The following LRRC39 variants were observed in gnomAD, a reference collection of about 807,000 sequenced individuals.
The protein encoded by LRRC39 is leucine-rich repeat-containing protein 39.
A neutral mutation model predicts 39.7 loss-of-function variants in LRRC39; 35 were observed. The ratio of observed to expected loss-of-function variants is 0.88; its 90% CI spans 0.67 to 1.17. The LOEUF (loss-of-function observed/expected upper bound fraction) is 1.17. Among genes scored for constraint, LRRC39 ranks in the 50% most tolerant of loss-of-function variants. LRRC39 has a pLI of 0.00. For missense variants in LRRC39, 357 were observed against 385.8 expected (o/e 0.93, Z 0.62); for synonymous variants, 113 against 134.1 (o/e 0.84, Z 1.09).
chr1:100,172,524 T>C (rs184088176), intron 2 of LRRC39, among the ~76,000 whole-genome samples: 10 of 147,412 alleles, frequency 6.8e-5, no homozygotes, highest in African/African-American at 2.5e-4. Context: ...CCGTCTCTAC[T>C]AAAAAAATAC....
In LRRC39 at chr1:100,155,171, C is replaced by T. The variant is rs142389687; in HGVS notation, c.692G>A (p.Arg231Gln). The T allele has an allele frequency of 9.0e-5, 144 of 1,608,760 alleles. No individual in the cohort carries two copies. In the African/African-American group the frequency reaches 1.7e-3, roughly 19 times the overall value. The change falls in exon 8 of 10, where the codon CGA (arginine) becomes CAA (glutamine). Residue 231 changes from arginine (R) to glutamine (Q), a missense_variant. Arg to Gln is a conservative substitution (Grantham distance 43). Transcript: ENST00000370137. ...MQNLHTLWLQ[R>Q]NEITCLPQTI... ...TTGAGGCAAGCATGTTATTTCATTT[C>T]GTTGCAGCCATAACGTATGTAGATT...
intron 1 of LRRC39, among the ~76,000 whole-genome samples, chr1:100,177,822 C>G (rs1031045204): frequency 5.3e-5 from 8 of 152,158 alleles, no homozygotes; most frequent in Admixed American, 1.3e-4. Context: ...ATTTCTTCCT[C>G]CAGCACAGGA....
At chr1:100,177,164 T>C (rs748150005) in intron 1 of LRRC39, among the ~76,000 whole-genome samples, 13 of 151,958 alleles carry the variant, frequency 8.6e-5, no homozygotes, top group Non-Finnish European at 1.6e-4. Flanking sequence ...AAAAATAGCA[T>C]GCAATTGTCT....
Position 100,159,256 on chromosome 1 carries a change from T to A in LRRC39, c.376+3A>T. The A allele has an allele frequency of 6.3e-7, 1 of 1,587,470 alleles. No homozygotes were observed. The highest frequency in any genetic ancestry group is 8.6e-7 in the Non-Finnish European group (1 of 1,168,776). ...GCACAGGAATAAAAGTAATCTTTCT[T>A]ACCAATCCCTGGTGGTATCTCTGAA... On this transcript the variant is annotated splice_donor_region_variant and intron_variant, in intron 5 of 9. Coordinates refer to ENST00000370137, the MANE Select transcript of LRRC39 (RefSeq NM_144620.4).
intron 3 of LRRC39, among the ~76,000 whole-genome samples, chr1:100,162,457 G>A (rs1658952470): frequency 6.6e-6 from 1 of 150,472 alleles, no homozygotes; most frequent in Admixed American, 6.7e-5. Context: ...TGGCCAACAT[G>A]GTGAAACCCC....
intron 3 of LRRC39, among the ~76,000 whole-genome samples, chr1:100,166,360 A>C (rs1328112112): frequency 6.6e-6 from 1 of 152,184 alleles, no homozygotes; most frequent in Non-Finnish European, 1.5e-5. Flanking sequence ...AGAAGAAAAG[A>C]AAATGTGGGA....
Position 100,149,387 on chromosome 1 carries a change from C to A in LRRC39, c.953-290G>T, listed in dbSNP as rs759406944. The A allele has an allele frequency of 3.6e-5, 55 of 1,546,228 alleles. 1 individual carries two copies. The South Asian group carries it at 5.8e-4, about 16-fold the overall frequency. On this transcript the variant is annotated intron_variant, in intron 9 of 9. Transcript: ENST00000370137. ...TCACCTTCAAATTTCCAGAGCCATA[C>A]ATGTATATATTGTCAGAATCTGTCC...
rs1359064508 is a variant in LRRC39 at position 100,156,125 on chromosome 1, G to A, written c.659+47C>T. On this transcript the variant is annotated intron_variant, in intron 7 of 9. Transcript: ENST00000370137. Reference sequence around the variant, plus strand: ...TGTCTTGCTTGGTTATTTTTCATAAGAGGTTTCAAGACTTTTATCATTAGC... The same window carrying A: ...TGTCTTGCTTGGTTATTTTTCATAAAAGGTTTCAAGACTTTTATCATTAGC... The A allele has an allele frequency of 2.6e-6, 4 of 1,558,288 alleles. No homozygotes were observed. In the Admixed American group the frequency reaches 7.3e-5, roughly 29 times the overall value.
chr1:100,156,024 A>G (rs1416830980), intron 7 of LRRC39, 148 bp downstream of exon 7: 2 of 733,964 alleles, frequency 2.7e-6, no homozygotes, highest in Non-Finnish European at 3.9e-6. Flanking sequence ...CTTGGAACAA[A>G]TGAAAATATT....
rs139922736 is a variant in LRRC39, at chr1:100,174,808, C to G, written c.-118-1438G>C. 8.4e-3 allele frequency among the ~76,000 whole-genome samples: 1,276 copies of G among 152,320 alleles called. 11 individuals are homozygous for G. The highest frequency in any genetic ancestry group is 0.013 in the Non-Finnish European group (906 of 68,026). ...GCATATCCATAAAGGAAAAGATATACTATATCACAATATAGTTTGAATATA... is the reference window on the plus strand; with the variant it reads ...GCATATCCATAAAGGAAAAGATATAGTATATCACAATATAGTTTGAATATA... On this transcript the variant is annotated intron_variant, in intron 1 of 9. Transcript: ENST00000370137.
chr1:100,154,646 G>C (rs1344312209), intron 8 of LRRC39, among the ~76,000 whole-genome samples: 1 of 152,186 alleles, frequency 6.6e-6, no homozygotes, highest in African/African-American at 2.4e-5. Flanking sequence ...AAGGCATTCA[G>C]AGATTTCAAG....
chr1:100,148,532 G>C lies in LRRC39; in HGVS notation c.*510C>G. ...AAAGTACTTAGTACATTATGGGTTA[G>C]TTAACAGTCTCTCAATAAATAGTGA... On this transcript the variant is annotated 3_prime_UTR_variant, in exon 10 of 10. Coordinates refer to ENST00000370137, the MANE Select transcript of LRRC39 (RefSeq NM_144620.4). 1 of 1,234,928 alleles carries C rather than the reference G, an allele frequency of 8.1e-7. No individual in the cohort carries two copies. The highest frequency in any genetic ancestry group is 1.1e-6 in the Non-Finnish European group (1 of 873,148). 76.5% of individuals were successfully genotyped at this position (1,234,928 alleles called of 1,614,324 possible). A position where few individuals can be genotyped will look rare whatever the true frequency, so the allele number is the denominator to read the frequency against.
chr1:100,175,221 C>T (rs1167057326), intron 1 of LRRC39, among the ~76,000 whole-genome samples: 2 of 151,998 alleles, frequency 1.3e-5, no homozygotes, highest in African/African-American at 4.8e-5. Context: ...TTTTTTGAGA[C>T]AGGCTTACTC....
rs1282630000 is a variant in LRRC39 at position 100,156,219 on chromosome 1, C to T, written c.612G>A (p.Leu204=). 6.2e-7 allele frequency: 1 copy of T among 1,613,806 alleles called. No homozygotes were observed. Among genetic ancestry groups the T allele is most frequent in the East Asian group, 2.2e-5 (1 of 44,874 alleles). Residue 204 remains leucine (L), a synonymous_variant, in exon 7 of 10, where the codon CTG becomes CTA. Transcript: ENST00000370137. ...GTTCAAGTTTGTTGCTTCCCATGTC[C>T]AGCCACTCAAGGGCAGGCATGTTCA... ...AVLNMPALEW[L]DMGSNKLEQL...
intron 8 of LRRC39, 148 bp downstream of exon 8, chr1:100,154,903 A>G: frequency 3.0e-6 from 2 of 656,562 alleles, no homozygotes; most frequent in South Asian, 3.1e-5. Context: ...TCATCAAATT[A>G]TAGAATGTCA....
intron 1 of LRRC39, among the ~76,000 whole-genome samples, chr1:100,176,029 AGG>A (rs1659932961): frequency 6.6e-6 from 1 of 152,256 alleles, no homozygotes; most frequent in Non-Finnish European, 1.5e-5. Context: ...TTCCATTCAA[AGG>A]TATGTACCTA....
chr1:100,152,165 A>G (rs1658091657), intron 9 of LRRC39, among the ~76,000 whole-genome samples: 1 of 152,130 alleles, frequency 6.6e-6, no homozygotes, highest in African/African-American at 2.4e-5. Flanking sequence ...CAAAGGATTT[A>G]TTTCCTTCCC....
chr1:100,175,349 G>GA (rs1416333816), intron 1 of LRRC39, among the ~76,000 whole-genome samples: 1 of 133,272 alleles, frequency 7.5e-6, no homozygotes, highest in Non-Finnish European at 1.6e-5. Flanking sequence ...CAGTGTGCCA[G>GA]TTTTTTTTTT....
chr1:100,156,453 G>T, intron 6 of LRRC39, 136 bp from the exon 7 acceptor site: 1 of 720,684 alleles, frequency 1.4e-6, no homozygotes, highest in Non-Finnish European at 2.0e-6. Context: ...ATATTAGTCC[G>T]CAACAAATTA....
Sources: gnomAD v4.1 joint callset for allele counts (sites outside exome capture counted in the v4.1 genomes callset) on GRCh38, gnomAD v4.1.1 for gene constraint, MANE v1.5 for transcripts, NCBI Gene and HGNC (gene_info 2026-07-23, HGNC 2026-07-21) for gene names.